The following PARP4 variants were observed in gnomAD, a reference collection of about 807,000 sequenced individuals.
PARP4 encodes protein mono-ADP-ribosyltransferase PARP4.
PARP4 carries 120 observed loss-of-function variants against 187.7 expected under a neutral mutation model. That is an observed-to-expected ratio of 0.64 (90% CI 0.55 to 0.74). PARP4 has a LOEUF of 0.74. Among genes scored for constraint, PARP4 ranks in the 30% least tolerant of loss-of-function variants. The pLI, the probability that PARP4 is intolerant of heterozygous loss-of-function variation, is 0.00. For missense variants in PARP4, 1,836 were observed against 2,070.5 expected (o/e 0.89, Z 2.20); for synonymous variants, 654 against 740.9 (o/e 0.88, Z 1.90).
At chr13:24,453,740 C>A in intron 22 of PARP4, 86 bp from the exon 23 acceptor site, 2 of 779,438 alleles carry the variant, frequency 2.6e-6, no homozygotes, top group Non-Finnish European at 4.6e-6. Context: ...TTCATACCAT[C>A]ACGGCTGTTG....
chr13:24,478,183 A>C lies in PARP4; in HGVS notation c.1542T>G (p.His514Gln), dbSNP rs149727830. The C allele has an allele frequency of 5.0e-6, 8 of 1,599,044 alleles. No homozygotes were observed. In the African/African-American group the frequency reaches 1.1e-4, roughly 21 times the overall value. The change falls in exon 13 of 34, where the codon CAT becomes CAG. Residue 514 changes from histidine (H) to glutamine (Q), a missense_variant. His to Gln is a conservative substitution (Grantham distance 24). Around this residue, in one of 8 missense-constraint regions of PARP4, gnomAD observed 1,147 missense variants for 1,214.2 expected, o/e 0.94. Coordinates refer to ENST00000381989, the MANE Select transcript of PARP4 (RefSeq NM_006437.4). ...CTTCAGTTAAGGAAAAGTCCTTCTC[A>C]TGTAAGTCCATACACTTTCCGAGGG... ...DVALGKCMDL[H>Q]EKDFSLTEAP... is the part of the protein sequence containing the mutation.
At chr13:24,510,425 G>C (rs1016791607) in intron 1 of PARP4, among the ~76,000 whole-genome samples, 8 of 151,270 alleles carry the variant, frequency 5.3e-5, no homozygotes, top group African/African-American at 1.7e-4. Flanking sequence ...GTAGTGGCGG[G>C]TGCCTGTAGT....
chr13:24,488,542 CA>C (rs1319122490), intron 10 of PARP4, among the ~76,000 whole-genome samples: 2 of 150,594 alleles, frequency 1.3e-5, no homozygotes, highest in Non-Finnish European at 3.0e-5. Context: ...TTAGTTGAGA[CA>C]GGGTTTCACC....
chr13:24,503,428 G>A (rs1348643892), intron 2 of PARP4, among the ~76,000 whole-genome samples: 1 of 152,140 alleles, frequency 6.6e-6, no homozygotes, highest in Non-Finnish European at 1.5e-5. Flanking sequence ...ATGTAGGATT[G>A]TCCTGCAGTT....
intron 28 of PARP4, among the ~76,000 whole-genome samples, chr13:24,443,175 T>C (rs976209299): frequency 1.7e-4 from 22 of 126,478 alleles, no homozygotes; most frequent in Non-Finnish European, 1.9e-4. Flanking sequence ...ATCTCATCCC[T>C]CAGAGAACAG....
intron 15 of PARP4, among the ~76,000 whole-genome samples, chr13:24,472,812 G>A (rs1241328543): frequency 2.0e-5 from 3 of 151,170 alleles, no homozygotes; most frequent in African/African-American, 7.3e-5. Context: ...TTACTCACTT[G>A]GTATTTAATG....
chr13:24,506,193 C>G (rs140441665), intron 1 of PARP4, among the ~76,000 whole-genome samples: 1 of 151,618 alleles, frequency 6.6e-6, no homozygotes, highest in African/African-American at 2.4e-5. Context: ...CGCAGACCCT[C>G]GCAGTGAGCG....
At chr13:24,487,190 G>T (rs1873608568) in intron 10 of PARP4, among the ~76,000 whole-genome samples, 2 of 151,722 alleles carry the variant, frequency 1.3e-5, no homozygotes, top group Non-Finnish European at 2.9e-5. Flanking sequence ...AAGCCGGGAG[G>T]CAGAGGTTGC....
At chr13:24,441,030 C>A (rs1243467749) in intron 30 of PARP4, among the ~76,000 whole-genome samples, 1 of 152,144 alleles carries the variant, frequency 6.6e-6, no homozygotes, top group African/African-American at 2.4e-5. Context: ...CACCACCACG[C>A]CCAGCTAATT....
At chr13:24,424,444 A>G (rs1316352426) in intron 33 of PARP4, among the ~76,000 whole-genome samples, 1 of 152,148 alleles carries the variant, frequency 6.6e-6, no homozygotes, top group Non-Finnish European at 1.5e-5. Flanking sequence ...CATGGTGTCA[A>G]GTAACATGTT....
chr13:24,476,074 A>C (rs538619222), intron 14 of PARP4, among the ~76,000 whole-genome samples: 81 of 151,670 alleles, frequency 5.3e-4, no homozygotes, highest in African/African-American at 1.9e-3. Flanking sequence ...GGCGTGAGAC[A>C]CTACACCTGG....
At chr13:24,490,390 C>T (rs955601830) in intron 10 of PARP4, among the ~76,000 whole-genome samples, 1 of 151,958 alleles carries the variant, frequency 6.6e-6, no homozygotes, top group South Asian at 2.1e-4. Context: ...TAATAACCTA[C>T]AAAATACAAA....
rs574643128 is a variant in PARP4 at position 24,449,782 on chromosome 13, G to A, written c.3050C>T (p.Ser1017Phe). The change falls in exon 25 of 34, where the codon TCC becomes TTC. Residue 1017 changes from serine (S) to phenylalanine (F), a missense_variant. Coordinates refer to ENST00000381989, the MANE Select transcript of PARP4 (RefSeq NM_006437.4). ...TTCAAATACTCCGGCACCACACTGG[G>A]ACAAAATCCTTAAGACGTGACGATT... is the stretch of plus-strand genomic sequence containing the variant. Reference protein sequence around the residue: ...TANRHVLRILSQCGAGVFEYF... With the variant: ...TANRHVLRILFQCGAGVFEYF... The A allele has an allele frequency of 1.9e-6, 3 of 1,610,716 alleles. No individual in the cohort carries two copies. Among genetic ancestry groups the A allele is most frequent in the Admixed American group, 3.3e-5 (2 of 59,974 alleles).
intron 24 of PARP4, among the ~76,000 whole-genome samples, chr13:24,450,370 T>G (rs367550467): frequency 5.3e-5 from 8 of 151,278 alleles, no homozygotes; most frequent in African/African-American, 1.5e-4. Context: ...ACTCCTTGCT[T>G]AGAGGAATTC....
At chr13:24,432,673 C>T (rs1471658382) in intron 31 of PARP4, among the ~76,000 whole-genome samples, 1 of 152,114 alleles carries the variant, frequency 6.6e-6, no homozygotes, top group African/African-American at 2.4e-5. Context: ...TTTGGTTTAA[C>T]ATAAAAATGT....
At chr13:24,422,079 C>G (rs1212991979) in intron 33 of PARP4, among the ~76,000 whole-genome samples, 1 of 152,046 alleles carries the variant, frequency 6.6e-6, no homozygotes, top group African/African-American at 2.4e-5. Flanking sequence ...GGGAAAGGGC[C>G]GTCAGTATAG....
intron 30 of PARP4, among the ~76,000 whole-genome samples, chr13:24,438,648 C>A (rs1292997350): frequency 6.6e-6 from 1 of 152,196 alleles, no homozygotes; most frequent in Non-Finnish European, 1.5e-5. Flanking sequence ...GAAGACACTG[C>A]GCCTAAGCCC....
At chr13:24,445,426 A>C (rs1871161843) in intron 27 of PARP4, among the ~76,000 whole-genome samples, 1 of 151,968 alleles carries the variant, frequency 6.6e-6, no homozygotes, top group South Asian at 2.1e-4. Flanking sequence ...CCCAACCTCC[A>C]GAGAGGGGAG....
intron 1 of PARP4, among the ~76,000 whole-genome samples, chr13:24,512,272 CACGAGGTCAG>C (rs1187933455): frequency 1.3e-5 from 2 of 152,238 alleles, no homozygotes; most frequent in East Asian, 3.8e-4. Context: ...CCCAATGACT[CACGAGGTCAG>C]ATAGTACTTC....
Sources: gnomAD v4.1 joint callset for allele counts (sites outside exome capture counted in the v4.1 genomes callset) on GRCh38, gnomAD v4.1.1 for gene constraint, gnomAD v4.1.1 regional missense constraint, MANE v1.5 for transcripts, NCBI Gene and HGNC (gene_info 2026-07-23, HGNC 2026-07-21) for gene names.